Variants in DNAJA3 observed in about 807,000 individuals in gnomAD.
DNAJA3 encodes the protein DnaJ heat shock protein family (Hsp40) member A3.
A neutral mutation model predicts 54.9 loss-of-function variants in DNAJA3; 29 were observed. The observed-to-expected ratio is 0.53, with a 90% CI of 0.39 to 0.72. The LOEUF is 0.72. Ranked by LOEUF, DNAJA3 falls within the 30% of genes least tolerant of loss-of-function variation. The probability of loss-of-function intolerance (pLI) is 0.00; values close to 1 mark genes in which losing one functional copy is unlikely to be tolerated. For missense variants in DNAJA3, 708 were observed against 639.4 expected, an observed-to-expected ratio of 1.11 and a Z score of -1.16; for synonymous variants, 302 against 251.4, an observed-to-expected ratio of 1.20 and a Z score of -1.90.
chr16:4,434,633 G>T lies in DNAJA3; in HGVS notation c.345+116G>T. On this transcript the variant is annotated intron_variant, in intron 2 of 11. Coordinates refer to ENST00000262375, the MANE Select transcript of DNAJA3 (RefSeq NM_005147.6). ...TATGAATAGGTCTCATGAGCTGATA[G>T]TATAGAAGGGTGTGATAAAGCTGGA... 3 of 1,218,074 alleles carry T rather than the reference G, an allele frequency of 2.5e-6. No homozygotes were observed. In the South Asian group the frequency reaches 4.8e-5, roughly 20 times the overall value. The allele number at this position is 1,218,074 out of a possible 1,614,324, so 75.5% of individuals were successfully genotyped here. A position where few individuals can be genotyped will look rare whatever the true frequency, so the allele number is the denominator to read the frequency against.
chr16:4,427,313 A>G (rs2056636920), intron 1 of DNAJA3: 1 of 152,196 alleles, frequency 6.6e-6, no homozygotes, highest in African/African-American at 2.4e-5. Context: ...TGCAAATGGT[A>G]TTTAAGCTAT....
chr16:4,445,926 C>CT lies in DNAJA3; in HGVS notation c.997-950dup, dbSNP rs765532043. Among the ~76,000 whole-genome samples the CT allele has an allele frequency of 9.6e-3, 1,216 of 127,320 alleles. 12 individuals carry two copies. The highest frequency in any genetic ancestry group is 0.012 in the African/African-American group (466 of 38,948). The allele number at this position is 127,320 out of a possible 152,430, so 83.5% of individuals were successfully genotyped here. ...TATTATTTACTCTTCCCTTTTTTTT[C>CT]TTTTTTTTTTCTGGAAAGAGAGTCT... On this transcript the variant is annotated intron_variant, in intron 7 of 11. Transcript: ENST00000262375.
intron 1 of DNAJA3, among the ~76,000 whole-genome samples, chr16:4,428,763 C>T (rs1408491158): frequency 3.3e-5 from 5 of 151,566 alleles, no homozygotes; most frequent in African/African-American, 4.9e-5. Context: ...ACTGGTTGGG[C>T]GGGGTGGCTC....
rs1369594336 is a variant in DNAJA3, at chr16:4,442,944, G to A, written c.784-73G>A. 3.9e-6 allele frequency: 6 copies of A among 1,523,742 alleles called. No individual in the cohort carries two copies. In the South Asian group the frequency reaches 6.1e-5, roughly 15 times the overall value. The allele number at this position is 1,523,742 out of a possible 1,614,324, so 94.4% of individuals were successfully genotyped here. ...AGCCTTAAAGAGACATTTTTCTTAC[G>A]CACATTGTGGTCCCAGAACCACCCA... On this transcript the variant is annotated intron_variant, in intron 5 of 11. Coordinates refer to ENST00000262375, the MANE Select transcript of DNAJA3 (RefSeq NM_005147.6).
Position 4,454,916 on chromosome 16 carries a change from A to T in DNAJA3, c.*2A>T. ...CTTAAGAAAATGTTTACCTCATGAT[A>T]TCCCAGCCGAGGTAGGAAAACCCTG... On this transcript the variant is annotated 3_prime_UTR_variant, in exon 11 of 12. Transcript: ENST00000262375. 6.2e-7 allele frequency: 1 copy of T among 1,609,552 alleles called. No individual in the cohort carries two copies. Among genetic ancestry groups the T allele is most frequent in the Non-Finnish European group, 8.5e-7 (1 of 1,176,226 alleles).
Position 4,434,446 on chromosome 16 carries a change from G to A in DNAJA3, c.274G>A (p.Glu92Lys). 6.2e-7 allele frequency: 1 copy of A among 1,613,462 alleles called. No individual in the cohort carries two copies. The highest frequency in any genetic ancestry group is 8.5e-7 in the Non-Finnish European group (1 of 1,179,444). Residue 92 changes from glutamate to lysine, a missense_variant, in exon 2 of 12, where the codon GAA (glutamate) becomes AAA (lysine). Glu to Lys is a moderately conservative substitution (Grantham distance 56, BLOSUM62 1). Coordinates refer to ENST00000262375, the MANE Select transcript of DNAJA3 (RefSeq NM_005147.6). ...CCACACGAGTGCCCCTTTGGCCAAAGAAGATTATTATCAGATATTAGGAGT... is the reference window on the plus strand; with the variant it reads ...CCACACGAGTGCCCCTTTGGCCAAAAAAGATTATTATCAGATATTAGGAGT... Reference protein sequence around the residue: ...SFHTSAPLAKEDYYQILGVPR... With the variant: ...SFHTSAPLAKKDYYQILGVPR...
intron 6 of DNAJA3, among the ~76,000 whole-genome samples, chr16:4,444,310 A>G (rs2056875188): frequency 6.6e-6 from 1 of 151,918 alleles, no homozygotes; most frequent in African/African-American, 2.4e-5. Context: ...AGGTCTCACA[A>G]TAACTGCTCC....
chr16:4,449,058 G>T (rs574152841), intron 9 of DNAJA3, among the ~76,000 whole-genome samples: 1 of 152,190 alleles, frequency 6.6e-6, no homozygotes, highest in East Asian at 1.9e-4. Flanking sequence ...GTGCAGTGGC[G>T]CCATCTCGGC....
chr16:4,433,935 C>T (rs2056738848), intron 1 of DNAJA3: 1 of 200,398 alleles, frequency 5.0e-6, no homozygotes, highest in African/African-American at 2.4e-5. Context: ...GTGTATTAGT[C>T]TGTTCTCATG....
Position 4,434,501 on chromosome 16 carries a change from A to G in DNAJA3, c.329A>G (p.Lys110Arg). Residue 110 changes from lysine to arginine, a missense_variant, in exon 2 of 12, where the codon AAG becomes AGG. By Grantham distance (26) the Lys-to-Arg change is conservative. Transcript: ENST00000262375. ...VPRNASQKEIKKAYYQLAKKY... is the reference protein window; with the variant it reads ...VPRNASQKEIRKAYYQLAKKY... ...CGAAATGCCAGCCAGAAAGAGATCAAGAAAGCCTATTATCAGGTCTGTATG... is the reference window on the plus strand; with the variant it reads ...CGAAATGCCAGCCAGAAAGAGATCAGGAAAGCCTATTATCAGGTCTGTATG... 1.2e-6 allele frequency: 2 copies of G among 1,612,406 alleles called. No individual in the cohort carries two copies. The highest frequency in any genetic ancestry group is 1.7e-6 in the Non-Finnish European group (2 of 1,179,654).
At chr16:4,428,415 C>T (rs1200821289) in intron 1 of DNAJA3, among the ~76,000 whole-genome samples, 2 of 152,160 alleles carry the variant, frequency 1.3e-5, no homozygotes, top group Admixed American at 6.6e-5. Context: ...TTAGAGCTTG[C>T]TAACATTTTC....
chr16:4,440,284 A>G (rs1054345110), intron 3 of DNAJA3: 1 of 151,956 alleles, frequency 6.6e-6, no homozygotes, highest in Admixed American at 6.6e-5. Context: ...TAAGACAAAC[A>G]CATAAAAAAA....
chr16:4,446,855 C>A, intron 7 of DNAJA3, 31 bp from the exon 8 acceptor site: 1 of 1,612,148 alleles, frequency 6.2e-7, no homozygotes, highest in Non-Finnish European at 8.5e-7. Context: ...GTGGACTTAT[C>A]TTCACATGCA....
rs1416816752 is a variant in DNAJA3, at chr16:4,442,396, C to T, written c.759C>T (p.Cys253=). 4 of 1,606,284 alleles carry T rather than the reference C, an allele frequency of 2.5e-6. No individual in the cohort carries two copies. The South Asian group carries it at 4.5e-5, about 18-fold the overall frequency. The stretch of plus-strand genomic sequence containing the variant: ...AGCCCGGCACCAAGGTGCAGCATTG[C>T]CACTACTGTGGCGGCTCCGGCATGG... ...GNEPGTKVQH[C]HYCGGSGMET... The change falls in exon 5 of 12, where the codon TGC becomes TGT. Residue 253 remains cysteine (C), a synonymous_variant. Transcript: ENST00000262375.
In DNAJA3 at chr16:4,455,866, A is replaced by G. The variant is rs1328299568; in HGVS notation, c.*334A>G. 1 of 522,416 alleles carries G rather than the reference A, an allele frequency of 1.9e-6. No homozygotes were observed. 32.4% of individuals were successfully genotyped at this position (522,416 alleles called of 1,614,324 possible). A position where few individuals can be genotyped will look rare whatever the true frequency, so the allele number is the denominator to read the frequency against. ...TCTAATTTGGAATTGAATATTGTGG[A>G]TATCTTAGTTAAAGGCCATGCTTAC... On this transcript the variant is annotated 3_prime_UTR_variant, in exon 12 of 12. Coordinates refer to ENST00000262375, the MANE Select transcript of DNAJA3 (RefSeq NM_005147.6).
chr16:4,427,489 G>T (rs531556262), intron 1 of DNAJA3: 1 of 152,158 alleles, frequency 6.6e-6, no homozygotes, highest in African/African-American at 2.4e-5. Flanking sequence ...GGCTTCAGGG[G>T]TGAACTTCCC....
chr16:4,454,984 G>A (rs2141400353), intron 11 of DNAJA3, 57 bp downstream of exon 11: 1 of 1,229,358 alleles, frequency 8.1e-7, no homozygotes, highest in Non-Finnish European at 1.2e-6. Flanking sequence ...ACTAATCCTG[G>A]TTTTCTCCCA....
intron 1 of DNAJA3, among the ~76,000 whole-genome samples, chr16:4,429,782 C>T (rs983511831): frequency 2.6e-5 from 4 of 151,782 alleles, no homozygotes; most frequent in Non-Finnish European, 5.9e-5. Flanking sequence ...TGCCGTGAGC[C>T]GAGTTAGCGC....
At chr16:4,432,230 C>T (rs1275409338) in intron 1 of DNAJA3, among the ~76,000 whole-genome samples, 1 of 150,632 alleles carries the variant, frequency 6.6e-6, no homozygotes, top group Non-Finnish European at 1.5e-5. Flanking sequence ...TCTGTGTTGC[C>T]CAGGCTGGTT....
Sources: allele counts gnomAD v4.1 joint callset (sites outside exome capture counted in the v4.1 genomes callset), GRCh38; gene constraint gnomAD v4.1.1; transcripts MANE v1.5; gene names NCBI Gene and HGNC (gene_info 2026-07-23, HGNC 2026-07-21).